SLC25A26: variants seen among roughly 807,000 people sequenced by gnomAD.
The protein encoded by SLC25A26 is solute carrier family 25 member 26, also known as mitochondrial S-adenosylmethionine carrier protein.
A neutral mutation model predicts 37.8 loss-of-function variants in SLC25A26; 36 were observed. That is an observed-to-expected ratio of 0.95 (90% CI 0.73 to 1.26). SLC25A26 has a LOEUF of 1.26. SLC25A26 is among the 50% of genes most tolerant of loss of function. The pLI, the probability that SLC25A26 is intolerant of heterozygous loss-of-function variation, is 0.00. For missense variants in SLC25A26, 390 were observed against 331.1 expected (o/e 1.18, Z -1.38); for synonymous variants, 129 against 122.5 (o/e 1.05, Z -0.35).
intron 1 of SLC25A26, among the ~76,000 whole-genome samples, chr3:66,209,717 A>G (rs1360278357): frequency 7.3e-6 from 1 of 137,710 alleles, no homozygotes; most frequent in South Asian, 2.3e-4. Flanking sequence ...AGATATATAT[A>G]TTTTATAGGT....
At chr3:66,315,047 A>G (rs2075495518) in intron 5 of SLC25A26, among the ~76,000 whole-genome samples, 1 of 139,658 alleles carries the variant, frequency 7.2e-6, no homozygotes, top group South Asian at 2.3e-4. Context: ...ATTTTTATTA[A>G]TATTTTTTAA....
intron 5 of SLC25A26, among the ~76,000 whole-genome samples, chr3:66,288,501 A>G (rs2074592403): frequency 6.6e-6 from 1 of 151,878 alleles, no homozygotes; most frequent in Non-Finnish European, 1.5e-5. Context: ...GACAGGCCCC[A>G]GTGTGTGATG....
At chr3:66,205,845 C>T (rs987183995) in intron 1 of SLC25A26, among the ~76,000 whole-genome samples, 1 of 152,156 alleles carries the variant, frequency 6.6e-6, no homozygotes, top group South Asian at 2.1e-4. Flanking sequence ...ATCTCCTCTA[C>T]CATGGACCCT....
At chr3:66,143,222 G>T (rs562367869) in intron 1 of SLC25A26, among the ~76,000 whole-genome samples, 3 of 151,320 alleles carry the variant, frequency 2.0e-5, no homozygotes, top group Admixed American at 6.6e-5. Context: ...AACACAATTT[G>T]TCTATCTATT....
At chr3:66,345,397 C>T (rs1271888040) in intron 5 of SLC25A26, among the ~76,000 whole-genome samples, 1 of 151,890 alleles carries the variant, frequency 6.6e-6, no homozygotes, top group Non-Finnish European at 1.5e-5. Context: ...TTTTTCCCTC[C>T]ACCTGCCCTT....
intron 1 of SLC25A26, among the ~76,000 whole-genome samples, chr3:66,191,085 C>T (rs895687379): frequency 0.011 from 1,659 of 152,106 alleles, 31 homozygotes; most frequent in African/African-American, 0.038. Flanking sequence ...TTAGGGTAAA[C>T]TGAGATGGAC....
intron 1 of SLC25A26, among the ~76,000 whole-genome samples, chr3:66,145,995 A>C (rs1291896641): frequency 3.3e-5 from 5 of 152,222 alleles, no homozygotes; most frequent in African/African-American, 9.6e-5. Context: ...GTTTAACATG[A>C]AAGTAGACCG....
chr3:66,243,292 G>T lies in SLC25A26; in HGVS notation c.280G>T (p.Ala94Ser). The T allele has an allele frequency of 6.3e-7, 1 of 1,599,388 alleles. No homozygotes were observed. Among genetic ancestry groups the T allele is most frequent in the Non-Finnish European group, 8.5e-7 (1 of 1,169,590 alleles). The change falls in exon 3 of 10, where the codon GCT becomes TCT. Residue 94 changes from alanine to serine, a missense_variant. Transcript: ENST00000354883. ...TTTGACACCTATGAAACATATGTTG[G>T]CTGCCTCTGCTGGAGAAGTGGTAAG... ...SYLTPMKHML[A>S]ASAGEVVACL...
chr3:66,260,583 T>C (rs573731784), intron 3 of SLC25A26, among the ~76,000 whole-genome samples: 7 of 152,336 alleles, frequency 4.6e-5, no homozygotes, highest in Admixed American at 6.5e-5. Context: ...AGAGGCAATA[T>C]GCCCGTGTTA....
In SLC25A26 at chr3:66,184,195, CT is replaced by C. The variant is rs2070770581; in HGVS notation, c.-353-36546del. 2.6e-5 allele frequency among the ~76,000 whole-genome samples: 4 copies of C among 152,200 alleles called. No individual in the cohort carries two copies. The South Asian group carries it at 8.3e-4, about 32-fold the overall frequency. On this transcript the variant is annotated intron_variant, in intron 1 of 10. Coordinates refer to the SLC25A26 transcript ENST00000676754. ...ATACTTATTCTGACCCTTACCCTCACTCTGAATTTGTCCCTAACCCAAAACC... is the reference window on the plus strand; with the variant it reads ...ATACTTATTCTGACCCTTACCCTCACCTGAATTTGTCCCTAACCCAAAACC...
At chr3:66,213,593 G>A in intron 1 of SLC25A26, among the ~76,000 whole-genome samples, 3 of 151,666 alleles carry the variant, frequency 2.0e-5, no homozygotes, top group Middle Eastern at 3.4e-3. Flanking sequence ...TTACCAGAGG[G>A]GTATATTTGT....
At chr3:66,201,841 G>C (rs2071114895) in intron 1 of SLC25A26, among the ~76,000 whole-genome samples, 1 of 152,106 alleles carries the variant, frequency 6.6e-6, no homozygotes. Context: ...CTCTGAATGG[G>C]CAAGACAGAG....
At chr3:66,302,229 C>T (rs1414160587) in intron 5 of SLC25A26, among the ~76,000 whole-genome samples, 1 of 152,152 alleles carries the variant, frequency 6.6e-6, no homozygotes, top group African/African-American at 2.4e-5. Context: ...ATCTCTAGAC[C>T]ATAAATTTCA....
intron 5 of SLC25A26, among the ~76,000 whole-genome samples, chr3:66,298,388 G>A (rs2074971994): frequency 6.6e-6 from 1 of 152,076 alleles, no homozygotes; most frequent in Non-Finnish European, 1.5e-5. Context: ...TTTCTGAGAG[G>A]TACATCTGTG....
chr3:66,364,677 A>G (rs2076787239), intron 7 of SLC25A26, among the ~76,000 whole-genome samples: 1 of 152,176 alleles, frequency 6.6e-6, no homozygotes, highest in South Asian at 2.1e-4. Context: ...CGATGTAAGG[A>G]ATTACTACTA....
intron 1 of SLC25A26, among the ~76,000 whole-genome samples, chr3:66,151,005 C>T (rs1429979962): frequency 6.6e-6 from 1 of 151,926 alleles, no homozygotes; most frequent in Non-Finnish European, 1.5e-5. Flanking sequence ...TAGTCACGTT[C>T]TAATGCCACA....
chr3:66,272,383 A>G lies in SLC25A26; in HGVS notation c.453+9004A>G, dbSNP rs769896901. Among the ~76,000 whole-genome samples, 68 of 152,138 alleles carry G rather than the reference A, an allele frequency of 4.5e-4. 1 individual carries two copies. Among genetic ancestry groups the G allele is most frequent in the Admixed American group, 5.2e-4 (8 of 15,264 alleles). ...TATGTATTTAAAATGAGTAATCCAT[A>G]TTTATATCTGTAGTCTTTAAGCCTT... On this transcript the variant is annotated intron_variant, in intron 5 of 9. Coordinates refer to ENST00000354883, the MANE Select transcript of SLC25A26 (RefSeq NM_001379210.1).
chr3:66,285,868 C>G (rs1326675792), intron 5 of SLC25A26, among the ~76,000 whole-genome samples: 1 of 152,150 alleles, frequency 6.6e-6, no homozygotes, highest in Non-Finnish European at 1.5e-5. Context: ...CCTGCCCTTA[C>G]TAGAGGGGAA....
At chr3:66,184,059 C>T (rs1299624114) in intron 1 of SLC25A26, among the ~76,000 whole-genome samples, 2 of 152,024 alleles carry the variant, frequency 1.3e-5, no homozygotes, top group Non-Finnish European at 2.9e-5. Flanking sequence ...CTCTGAACCC[C>T]ACCCTAAACT....
Sources: allele counts gnomAD v4.1 joint callset (sites outside exome capture counted in the v4.1 genomes callset), GRCh38; gene constraint gnomAD v4.1.1; transcripts MANE v1.5; gene names NCBI Gene and HGNC (gene_info 2026-07-23, HGNC 2026-07-21).